The following TANC2 variants were observed in gnomAD, a reference collection of about 807,000 sequenced individuals.
TANC2 encodes tetratricopeptide repeat, ankyrin repeat and coiled-coil containing 2.
In TANC2, 26 loss-of-function variants were observed where a neutral mutation model predicts 210.5. The observed-to-expected ratio is 0.12, with a 90% CI of 0.09 to 0.17. TANC2 has a LOEUF of 0.17. Ranked by LOEUF, TANC2 falls within the 10% of genes least tolerant of loss-of-function variation. The pLI is 1.00. For synonymous variants in TANC2, 931 were observed against 967.1 expected (o/e 0.96, Z 0.69); for missense variants, 2,129 against 2,608.9 (o/e 0.82, Z 4.01).
chr17:63,417,402 T>G (rs1010080483), intron 26 of TANC2, among the ~76,000 whole-genome samples: 25 of 152,254 alleles, frequency 1.6e-4, no homozygotes, highest in East Asian at 5.8e-4. Context: ...AACCATAGGC[T>G]GCCTAGTCGG....
chr17:63,072,258 T>C (rs1427561916), intron 2 of TANC2, among the ~76,000 whole-genome samples: 1 of 152,120 alleles, frequency 6.6e-6, no homozygotes, highest in Non-Finnish European at 1.5e-5. Flanking sequence ...TCCATATTTA[T>C]AGAGTTGTTT....
intron 5 of TANC2, among the ~76,000 whole-genome samples, chr17:63,165,855 G>C (rs2040193579): frequency 6.6e-6 from 1 of 152,136 alleles, no homozygotes; most frequent in African/African-American, 2.4e-5. Context: ...ACCATATTTT[G>C]TATGTCAAAC....
chr17:63,407,780 G>A (rs1013722193), intron 21 of TANC2, among the ~76,000 whole-genome samples: 7 of 152,302 alleles, frequency 4.6e-5, no homozygotes, highest in East Asian at 1.9e-4. Flanking sequence ...TGATACAGGC[G>A]TCCGTTGAGT....
intron 9 of TANC2, among the ~76,000 whole-genome samples, chr17:63,311,330 A>G (rs548141066): frequency 6.6e-6 from 1 of 152,342 alleles, no homozygotes; most frequent in Admixed American, 6.5e-5. Context: ...TTTATCATGT[A>G]GAGAGATGTT....
chr17:63,387,596 A>G (rs1177168843), intron 15 of TANC2, among the ~76,000 whole-genome samples: 2 of 152,206 alleles, frequency 1.3e-5, no homozygotes, highest in East Asian at 1.9e-4. Flanking sequence ...GTACCTCCCT[A>G]TATCTCTTAT....
chr17:63,408,440 T>C (rs1276980833), intron 21 of TANC2, among the ~76,000 whole-genome samples: 2 of 152,242 alleles, frequency 1.3e-5, no homozygotes, highest in Admixed American at 6.5e-5. Context: ...TCTTTCCTTA[T>C]CTTTGGAAAA....
intron 11 of TANC2, among the ~76,000 whole-genome samples, chr17:63,323,613 C>T (rs1382584962): frequency 1.3e-5 from 2 of 152,172 alleles, no homozygotes; most frequent in Non-Finnish European, 2.9e-5. Flanking sequence ...AGAAGTTGGC[C>T]TCCCTTTATG....
chr17:63,094,710 G>T (rs1359372832), intron 3 of TANC2, among the ~76,000 whole-genome samples: 1 of 152,214 alleles, frequency 6.6e-6, no homozygotes, highest in Non-Finnish European at 1.5e-5. Context: ...TGAAATTTCA[G>T]TTGGATCATA....
chr17:63,269,562 C>T (rs928506808), intron 9 of TANC2, among the ~76,000 whole-genome samples: 2 of 152,072 alleles, frequency 1.3e-5, no homozygotes, highest in African/African-American at 4.8e-5. Context: ...TTATTTTCTG[C>T]TTTACTAATC....
chr17:63,082,537 T>C (rs1381726011), intron 3 of TANC2, among the ~76,000 whole-genome samples: 1 of 152,148 alleles, frequency 6.6e-6, no homozygotes, highest in Non-Finnish European at 1.5e-5. Context: ...ATTTTAAATT[T>C]ATAGTTGATT....
chr17:62,973,964 C>T lies in TANC2; in HGVS notation c.-24+7215C>T, dbSNP rs936868806. Among the ~76,000 whole-genome samples, 7 of 152,306 alleles carry T rather than the reference C, an allele frequency of 4.6e-5. No individual in the cohort carries two copies. In the East Asian group the frequency reaches 1.3e-3, roughly 29 times the overall value. On this transcript the variant is annotated intron_variant, in intron 1 of 27. Coordinates refer to ENST00000689528, the Ensembl canonical transcript of TANC2. ...ACATATTGGGTATTGGGTGCAGCAG[C>T]AGAGTTGACTACTAGTTGCTGTCGA... is the stretch of plus-strand genomic sequence containing the variant.
intron 11 of TANC2, among the ~76,000 whole-genome samples, chr17:63,337,665 T>C (rs1346234659): frequency 6.6e-6 from 1 of 151,940 alleles, no homozygotes; most frequent in East Asian, 1.9e-4. Flanking sequence ...GCACATTTAT[T>C]ATATAGGTAA....
intron 3 of TANC2, among the ~76,000 whole-genome samples, chr17:63,086,433 TC>T (rs1361167775): frequency 6.6e-6 from 1 of 152,182 alleles, no homozygotes; most frequent in African/African-American, 2.4e-5. Context: ...TATTGACATA[TC>T]CTGAAGCTCA....
At chr17:63,305,874 A>G (rs948615994) in intron 9 of TANC2, among the ~76,000 whole-genome samples, 2 of 152,188 alleles carry the variant, frequency 1.3e-5, no homozygotes, top group Non-Finnish European at 2.9e-5. Context: ...GCAGTTTGTC[A>G]GGGTACTCTG....
intron 1 of TANC2, among the ~76,000 whole-genome samples, chr17:62,984,091 G>A (rs1195494909): frequency 1.3e-5 from 2 of 152,006 alleles, no homozygotes; most frequent in Admixed American, 6.6e-5. Flanking sequence ...GATACCATCT[G>A]GTTCTGGACT....
At chr17:63,089,537 G>C (rs899926428) in intron 3 of TANC2, among the ~76,000 whole-genome samples, 10 of 152,144 alleles carry the variant, frequency 6.6e-5, no homozygotes, top group Non-Finnish European at 1.0e-4. Context: ...GTAGACCGTG[G>C]TAAGGATTTG....
chr17:63,238,131 C>T, intron 8 of TANC2, 54 bp downstream of exon 8: 1 of 1,463,664 alleles, frequency 6.8e-7, no homozygotes, highest in Non-Finnish European at 9.0e-7. Flanking sequence ...TCATTTTACT[C>T]CAGTATATAT....
chr17:63,042,405 T>C (rs969216427), intron 2 of TANC2, among the ~76,000 whole-genome samples: 1 of 152,158 alleles, frequency 6.6e-6, no homozygotes, highest in Non-Finnish European at 1.5e-5. Flanking sequence ...TTATCCAATA[T>C]GCTAATAGAG....
intron 17 of TANC2, 137 bp from the exon 18 acceptor site, chr17:63,395,606 A>T (rs2048129342): frequency 1.4e-6 from 1 of 709,924 alleles, no homozygotes; most frequent in Non-Finnish European, 2.4e-6. Flanking sequence ...GAGTCTCCTG[A>T]ATTTGCTCAG....
Sources: gnomAD v4.1 joint callset for allele counts (sites outside exome capture counted in the v4.1 genomes callset) on GRCh38, gnomAD v4.1.1 for gene constraint, MANE v1.5 for transcripts, NCBI Gene and HGNC (gene_info 2026-07-23, HGNC 2026-07-21) for gene names.